CNTNAP5: variants seen among roughly 807,000 people sequenced by gnomAD.
The protein encoded by CNTNAP5 is contactin associated protein family member 5.
Under a neutral mutation model 150.2 loss-of-function variants are expected in CNTNAP5, and 72 were observed. The ratio of observed to expected loss-of-function variants is 0.48; its 90% CI spans 0.40 to 0.58. The LOEUF is 0.58. CNTNAP5 is among the 20% of genes least tolerant of loss of function. The pLI, the probability that CNTNAP5 is intolerant of heterozygous loss-of-function variation, is 0.00. For missense variants in CNTNAP5, 1,636 were observed against 1,626.2 expected, an observed-to-expected ratio of 1.01 and a Z score of -0.10; for synonymous variants, 672 against 619.8, an observed-to-expected ratio of 1.08 and a Z score of -1.25.
At chr2:124,191,023 T>G (rs1224069954) in intron 1 of CNTNAP5, among the ~76,000 whole-genome samples, 1 of 152,190 alleles carries the variant, frequency 6.6e-6, no homozygotes, top group East Asian at 1.9e-4. Flanking sequence ...AAGCCTGGCT[T>G]TTTTTGAGAC....
chr2:124,349,860 A>ACATCTGGC (rs1553460390), intron 3 of CNTNAP5, among the ~76,000 whole-genome samples: 7 of 127,840 alleles, frequency 5.5e-5, no homozygotes, highest in Non-Finnish European at 1.1e-4. Context: ...TTTTGAAATG[A>ACATCTGGC]CTTCTGGCTA....
intron 13 of CNTNAP5, among the ~76,000 whole-genome samples, chr2:124,713,180 C>CTCCTTCCT (rs1553434363): frequency 9.9e-6 from 1 of 101,258 alleles, no homozygotes; most frequent in Non-Finnish European, 2.3e-5. Flanking sequence ...CTCTCTTTTC[C>CTCCTTCCT]TCCTTCCTTC....
At chr2:124,903,145 A>T in intron 22 of CNTNAP5, 45 bp downstream of exon 22, 1 of 1,241,574 alleles carries the variant, frequency 8.1e-7, no homozygotes, top group Non-Finnish European at 1.1e-6. Flanking sequence ...CACTAGCACT[A>T]CTTTTTGTGT....
chr2:124,490,378 A>AGAGGGAGG (rs35775977), intron 7 of CNTNAP5, among the ~76,000 whole-genome samples: 1 of 130,186 alleles, frequency 7.7e-6, no homozygotes, highest in Admixed American at 8.2e-5. Flanking sequence ...AGAAAGAAAG[A>AGAGGGAGG]GAGGGAGGGA....
At chr2:124,257,811 C>T (rs1687350379) in intron 3 of CNTNAP5, among the ~76,000 whole-genome samples, 1 of 151,924 alleles carries the variant, frequency 6.6e-6, no homozygotes, top group East Asian at 1.9e-4. Context: ...AAAGTCTCGT[C>T]TGATTTTTAC....
chr2:124,378,967 CT>C lies in CNTNAP5; in HGVS notation c.382-38469del, dbSNP rs1418680069. On this transcript the variant is annotated intron_variant, in intron 3 of 23. Transcript: ENST00000682447. Reference sequence around the variant, plus strand: ...CCCTATGAAATATGGCTACTGCTATCTTTTTTTCTAATATTTTCTAATTTTT... The same window carrying C: ...CCCTATGAAATATGGCTACTGCTATCTTTTTTCTAATATTTTCTAATTTTT... 2.6e-5 allele frequency among the ~76,000 whole-genome samples: 4 copies of C among 152,112 alleles called. No individual in the cohort carries two copies. The South Asian group carries it at 8.3e-4, about 32-fold the overall frequency.
intron 12 of CNTNAP5, among the ~76,000 whole-genome samples, chr2:124,644,905 TAC>T (rs3039906): frequency 0.014 from 2,083 of 150,066 alleles, 46 homozygotes; most frequent in African/African-American, 0.046. Flanking sequence ...CACACACACA[TAC>T]ACACACACAC....
chr2:124,151,476 C>T (rs914730596), intron 1 of CNTNAP5, among the ~76,000 whole-genome samples: 3 of 152,160 alleles, frequency 2.0e-5, no homozygotes, highest in African/African-American at 7.2e-5. Context: ...TCAGCTCTGC[C>T]ACTTACCAGT....
At chr2:124,812,864 G>T (rs1402185440) in intron 19 of CNTNAP5, among the ~76,000 whole-genome samples, 1 of 152,094 alleles carries the variant, frequency 6.6e-6, no homozygotes, top group Non-Finnish European at 1.5e-5. Context: ...TGAGGGCTGT[G>T]CTGTGTCGTG....
At chr2:124,248,612 C>T (rs1419983411) in intron 3 of CNTNAP5, among the ~76,000 whole-genome samples, 1 of 152,222 alleles carries the variant, frequency 6.6e-6, no homozygotes, top group African/African-American at 2.4e-5. Flanking sequence ...CATGAAAGCT[C>T]CTCACTGATG....
At chr2:124,644,795 G>A (rs1377203000) in intron 12 of CNTNAP5, among the ~76,000 whole-genome samples, 5 of 152,228 alleles carry the variant, frequency 3.3e-5, no homozygotes, top group Non-Finnish European at 4.4e-5. Flanking sequence ...CAAAATAAAA[G>A]CCAACTCAGG....
At chr2:124,461,179 A>G (rs1693240665) in intron 6 of CNTNAP5, among the ~76,000 whole-genome samples, 1 of 152,116 alleles carries the variant, frequency 6.6e-6, no homozygotes, top group South Asian at 2.1e-4. Context: ...ATTACTGGGT[A>G]TATACCCAAA....
At chr2:124,032,691 T>A (rs1372918189) in intron 1 of CNTNAP5, among the ~76,000 whole-genome samples, 7 of 152,128 alleles carry the variant, frequency 4.6e-5, no homozygotes, top group East Asian at 1.9e-4. Flanking sequence ...ACATTTTACA[T>A]TTGTAAAATG....
At chr2:124,182,001 A>C (rs1685220847) in intron 1 of CNTNAP5, among the ~76,000 whole-genome samples, 1 of 152,188 alleles carries the variant, frequency 6.6e-6, no homozygotes, top group African/African-American at 2.4e-5. Context: ...TGATTCCAAA[A>C]TGTATTAGAC....
At chr2:124,771,838 A>G (rs1681201804) in intron 16 of CNTNAP5, among the ~76,000 whole-genome samples, 1 of 151,470 alleles carries the variant, frequency 6.6e-6, no homozygotes. Flanking sequence ...CACCACCACT[A>G]TCAACACCAC....
intron 18 of CNTNAP5, among the ~76,000 whole-genome samples, chr2:124,794,763 C>T (rs971180999): frequency 1.3e-5 from 2 of 152,080 alleles, no homozygotes; most frequent in Non-Finnish European, 2.9e-5. Flanking sequence ...TTTATTTCAT[C>T]GGTACACTCA....
At chr2:124,109,582 T>C (rs919884806) in intron 1 of CNTNAP5, among the ~76,000 whole-genome samples, 3 of 152,176 alleles carry the variant, frequency 2.0e-5, no homozygotes, top group Non-Finnish European at 4.4e-5. Context: ...ACTGGGAAGC[T>C]GGTACCTGGA....
intron 1 of CNTNAP5, among the ~76,000 whole-genome samples, chr2:124,064,946 G>C (rs1035773962): frequency 6.7e-6 from 1 of 148,780 alleles, no homozygotes; most frequent in African/African-American, 2.5e-5. Flanking sequence ...TCTGCTAAAG[G>C]CTCCCGTGAC....
intron 19 of CNTNAP5, among the ~76,000 whole-genome samples, chr2:124,826,532 C>T (rs147816565): frequency 3.5e-4 from 54 of 152,250 alleles, no homozygotes; most frequent in African/African-American, 1.2e-3. Flanking sequence ...TCCCTCTTCT[C>T]CCCTGTCTTT....
Sources: gnomAD v4.1 joint callset for allele counts (sites outside exome capture counted in the v4.1 genomes callset) on GRCh38, gnomAD v4.1.1 for gene constraint, MANE v1.5 for transcripts, NCBI Gene and HGNC (gene_info 2026-07-23, HGNC 2026-07-21) for gene names.